TSKS: variants seen among roughly 807,000 people sequenced by gnomAD.
TSKS encodes the protein testis specific serine kinase substrate, also known as testis-specific serine kinase substrate.
Under a neutral mutation model 68.0 loss-of-function variants are expected in TSKS, and 27 were observed. The ratio of observed to expected loss-of-function variants is 0.40; its 90% CI spans 0.29 to 0.55. TSKS has a LOEUF of 0.55. TSKS is among the 20% of genes least tolerant of loss of function. The pLI is 0.53. For missense variants in TSKS, 806 were observed against 776.0 expected, an observed-to-expected ratio of 1.04 and a Z score of -0.46; for synonymous variants, 331 against 340.4, an observed-to-expected ratio of 0.97 and a Z score of 0.30.
chr19:49,750,521 T>C (rs2084341099), intron 2 of TSKS, among the ~76,000 whole-genome samples: 1 of 152,132 alleles, frequency 6.6e-6, no homozygotes, highest in South Asian at 2.1e-4. Flanking sequence ...CCTCCCAAAG[T>C]GCTGGGATTA....
Position 49,762,130 on chromosome 19 carries a change from C to T in TSKS, c.273G>A (p.Glu91=), listed in dbSNP as rs148706945. ...NVSLLNLAAM[E]PTDSTGTDST... ...AGTCTGTCCCCGTGGAGTCAGTGGG[C>T]TCCATGGCGGCCAGGTTGAGCAGTG... The change falls in exon 2 of 11, where the codon GAG becomes GAA. Residue 91 remains glutamate, a synonymous_variant. Coordinates refer to ENST00000246801, the MANE Select transcript of TSKS (RefSeq NM_021733.2). 7.0e-4 allele frequency: 1,133 copies of T among 1,614,110 alleles called. 2 individuals carry two copies. The highest frequency in any genetic ancestry group is 5.9e-3 in the Middle Eastern group (36 of 6,056).
chr19:49,747,622 G>T, intron 4 of TSKS, 150 bp from the exon 5 acceptor site: 1 of 732,658 alleles, frequency 1.4e-6, no homozygotes, highest in South Asian at 1.7e-5. Flanking sequence ...TAAGGGGATG[G>T]CTTCCTCCTT....
At position 49,763,232 on chromosome 19, in the gene TSKS, C is replaced by T. The variant is rs760399051; in HGVS notation, c.16G>A (p.Val6Met). The T allele has an allele frequency of 7.3e-6, 11 of 1,505,592 alleles. No individual in the cohort carries two copies. Among genetic ancestry groups the T allele is most frequent in the Non-Finnish European group, 8.9e-6 (10 of 1,128,200 alleles). The allele number at this position is 1,505,592 out of a possible 1,614,324, so 93.3% of individuals were successfully genotyped here. A position where few individuals can be genotyped will look rare whatever the true frequency, so the allele number is the denominator to read the frequency against. ...TCTTTGGACTGCCAGATCGTCTTCA[C>T]CACCACGCTCGCCATGGTGTGGGGG... is the stretch of plus-strand genomic sequence containing the variant. MASVV[V>M]KTIWQSKEIH... is the part of the protein sequence containing the mutation. Residue 6 changes from valine to methionine, a missense_variant, in exon 1 of 11, where the codon GTG becomes ATG. Physicochemically the swap from Val to Met is conservative, Grantham distance 21 (BLOSUM62 1). Coordinates refer to ENST00000246801, the MANE Select transcript of TSKS (RefSeq NM_021733.2). This position sits in a 1 kb window ranked among gnomAD's most constrained non-coding sequence, Gnocchi z 4.5.
At chr19:49,754,680 A>C (rs2084379462) in intron 2 of TSKS, among the ~76,000 whole-genome samples, 1 of 152,304 alleles carries the variant, frequency 6.6e-6, no homozygotes, top group African/African-American at 2.4e-5. Flanking sequence ...AGCTACTTTA[A>C]ATATGTTCGA....
Position 49,746,636 on chromosome 19 carries a change from C to G in TSKS, c.826G>C (p.Ala276Pro), listed in dbSNP as rs1487651326. The G allele has an allele frequency of 6.2e-7, 1 of 1,609,124 alleles. No homozygotes were observed. The highest frequency in any genetic ancestry group is 1.1e-5 in the South Asian group (1 of 91,020). Residue 276 changes from alanine (A) to proline (P), a missense_variant, in exon 6 of 11, where the codon GCC becomes CCC. By Grantham distance (27) the Ala-to-Pro change is conservative (BLOSUM62 -1). Coordinates refer to ENST00000246801, the MANE Select transcript of TSKS (RefSeq NM_021733.2). ...CCGGGGCAGCCCTGGGACGTGGCGG[C>G]GGGGCCCAGGCTGTTCCAGGAGAGG... ...AGLSWNSLGP[A>P]ATSQGCPGPP...
chr19:49,751,301 C>CA (rs55750605), intron 2 of TSKS, among the ~76,000 whole-genome samples: 1,628 of 32,170 alleles, frequency 0.051, 3 homozygotes, highest in Non-Finnish European at 0.068. Context: ...GATTCCATCT[C>CA]AAAAAAAAAA....
Position 49,762,072 on chromosome 19 carries a change from G to T in TSKS, c.331C>A (p.Leu111Met). The T allele has an allele frequency of 6.2e-7, 1 of 1,614,200 alleles. No individual in the cohort carries two copies. The highest frequency in any genetic ancestry group is 8.5e-7 in the Non-Finnish European group (1 of 1,180,038). ...GTAGGGGAGGCAGGGGGCCCAGCCA[G>T]TGTGAGTTGGCCGCTGAGGTCTTCC... ...TVEDLSGQLTLAGPPASPTLP... is the reference protein window; with the variant it reads ...TVEDLSGQLTMAGPPASPTLP... The change falls in exon 2 of 11, where the codon CTG (leucine) becomes ATG (methionine). Residue 111 changes from leucine (L) to methionine (M), a missense_variant. Physicochemically the swap from Leu to Met is conservative, Grantham distance 15. Coordinates refer to ENST00000246801, the MANE Select transcript of TSKS (RefSeq NM_021733.2).
rs767657128 is a variant in TSKS at position 49,742,034 on chromosome 19, G to A, written c.1362-14C>T. The A allele has an allele frequency of 8.1e-6, 13 of 1,612,588 alleles. No homozygotes were observed. Among genetic ancestry groups the A allele is most frequent in the East Asian group, 4.5e-5 (2 of 44,884 alleles). On this transcript the variant is annotated splice_polypyrimidine_tract_variant and intron_variant, in intron 8 of 10. Coordinates refer to ENST00000246801, the MANE Select transcript of TSKS (RefSeq NM_021733.2). ...TGCGACCCCTGGCTGGGGGAGGGGC[G>A]GTCACCAGATAAAGAGGCCCAGTAC... is the stretch of plus-strand genomic sequence containing the variant.
intron 3 of TSKS, 26 bp downstream of exon 3, chr19:49,748,348 G>A (rs1331649545): frequency 6.2e-7 from 1 of 1,609,862 alleles, no homozygotes; most frequent in Non-Finnish European, 8.5e-7. Context: ...GGAAGGGCAG[G>A]TGTTGGATAT....
intron 2 of TSKS, among the ~76,000 whole-genome samples, chr19:49,749,802 G>T (rs1048056879): frequency 3.9e-5 from 6 of 152,000 alleles, no homozygotes; most frequent in Admixed American, 1.3e-4. Context: ...GGTATAGATG[G>T]GTTCTCACTA....
chr19:49,757,835 T>G (rs2084404766), intron 2 of TSKS, among the ~76,000 whole-genome samples: 1 of 150,758 alleles, frequency 6.6e-6, no homozygotes, highest in Admixed American at 6.6e-5. Flanking sequence ...AATCTCAGAG[T>G]CTCTGACTTA....
chr19:49,749,639 G>C (rs981538881), intron 2 of TSKS, among the ~76,000 whole-genome samples: 1 of 151,922 alleles, frequency 6.6e-6, no homozygotes, highest in Non-Finnish European at 1.5e-5. Context: ...GTGTGTGTGT[G>C]TGGGGGGTCT....
At position 49,762,236 on chromosome 19, in the gene TSKS, CA is replaced by C. The variant is rs2084448647; in HGVS notation, c.171-5del. On this transcript the variant is annotated splice_polypyrimidine_tract_variant and splice_region_variant and intron_variant, in intron 1 of 10. Transcript: ENST00000246801. ...ATGGGACATCTGGGGCTCCACCCTGCAGAGAAGAAACAGGCAGAAAAGTGGA... is the reference window on the plus strand; with the variant it reads ...ATGGGACATCTGGGGCTCCACCCTGCGAGAAGAAACAGGCAGAAAAGTGGA... 1.2e-6 allele frequency: 2 copies of C among 1,612,380 alleles called. No individual in the cohort carries two copies. Among genetic ancestry groups the C allele is most frequent in the African/African-American group, 2.7e-5 (2 of 74,858 alleles).
rs752814603 is a variant in TSKS, at chr19:49,746,673, CT to C, written c.788del (p.Lys263SerfsTer53). 1 of 1,602,426 alleles carries C rather than the reference CT, an allele frequency of 6.2e-7. No individual in the cohort carries two copies. The highest frequency in any genetic ancestry group is 8.5e-7 in the Non-Finnish European group (1 of 1,178,672). ...TGTTCCAGGAGAGGCCAGCCTCCGG[CT>C]TCTGCTTCTCCTCCGGCTCCTGCTT... is the stretch of plus-strand genomic sequence containing the variant. ...EEKQEPEEKQ[K>X]PEAGLSWNSL... On this transcript the variant is annotated frameshift_variant, in exon 6 of 11. Transcript: ENST00000246801. LOFTEE classifies it high-confidence loss of function.
Position 49,746,460 on chromosome 19 carries a change from T to C in TSKS, c.992+10A>G, listed in dbSNP as rs1034248149. On this transcript the variant is annotated intron_variant, in intron 6 of 10. Coordinates refer to ENST00000246801, the MANE Select transcript of TSKS (RefSeq NM_021733.2). ...TCGTTTTCGAGGCTCCGCCCCTAGG[T>C]CCCGCCCACCTCAGCTCTTCGATGC... 3 of 1,612,566 alleles carry C rather than the reference T, an allele frequency of 1.9e-6. No homozygotes were observed. Among genetic ancestry groups the C allele is most frequent in the Non-Finnish European group, 2.5e-6 (3 of 1,179,414 alleles).
At chr19:49,748,719 G>C (rs958456853) in intron 2 of TSKS, among the ~76,000 whole-genome samples, 5 of 152,068 alleles carry the variant, frequency 3.3e-5, no homozygotes, top group African/African-American at 1.2e-4. Flanking sequence ...GGATGGAGGT[G>C]GGGTGCTCAG....
At chr19:49,741,639 T>C (rs6509443) in intron 9 of TSKS, among the ~76,000 whole-genome samples, 87,425 of 151,956 alleles carry the variant, frequency 0.58, 26,281 homozygotes, top group African/African-American at 0.78. Flanking sequence ...TCCAACGTCC[T>C]ATCATGCTTT....
rs1469307112 is a variant in TSKS, at chr19:49,758,121, T to C, written c.399+3883A>G. Among the ~76,000 whole-genome samples the C allele has an allele frequency of 2.7e-5, 4 of 150,550 alleles. No individual in the cohort carries two copies. In the East Asian group the frequency reaches 8.0e-4, roughly 30 times the overall value. On this transcript the variant is annotated intron_variant, in intron 2 of 10. Transcript: ENST00000246801. ...CTCTCTTGGTCTCTGTCCCCCACTC[T>C]CTGGGTCTCTGTCCCCCTCTCCCTG...
At chr19:49,743,766 C>T (rs1325188823) in intron 8 of TSKS, among the ~76,000 whole-genome samples, 1 of 151,956 alleles carries the variant, frequency 6.6e-6, no homozygotes, top group Non-Finnish European at 1.5e-5. Flanking sequence ...TCCCAAAGTG[C>T]TGGGATTACA....
Sources: allele counts gnomAD v4.1 joint callset (sites outside exome capture counted in the v4.1 genomes callset), GRCh38; gene constraint gnomAD v4.1.1; non-coding constraint Gnocchi (gnomAD v3.1); transcripts MANE v1.5; gene names NCBI Gene and HGNC (gene_info 2026-07-23, HGNC 2026-07-21).